MVB12B: variants seen among roughly 807,000 people sequenced by gnomAD.
The protein encoded by MVB12B is ESCRT-I complex subunit MVB12B.
A neutral mutation model predicts 41.6 loss-of-function variants in MVB12B; 16 were observed. The ratio of observed to expected loss-of-function variants is 0.38; its 90% CI spans 0.26 to 0.58. The LOEUF (loss-of-function observed/expected upper bound fraction) is 0.58, where lower values mean the gene tolerates loss of function less well. MVB12B is among the 20% of genes least tolerant of loss of function. The pLI, the probability that MVB12B is intolerant of heterozygous loss-of-function variation, is 0.62. For synonymous variants in MVB12B, 133 were observed against 139.7 expected, an observed-to-expected ratio of 0.95 and a Z score of 0.34; for missense variants, 274 against 380.2, an observed-to-expected ratio of 0.72 and a Z score of 2.32.
chr9:126,381,946 C>T (rs182505983), intron 3 of MVB12B, among the ~76,000 whole-genome samples: 2 of 152,088 alleles, frequency 1.3e-5, no homozygotes, highest in East Asian at 3.9e-4. Context: ...TCTTCCCCAG[C>T]CCCAAACAGG....
At chr9:126,488,362 AAAAT>A (rs75723111) in intron 9 of MVB12B, among the ~76,000 whole-genome samples, 18,109 of 131,112 alleles carry the variant, frequency 0.14, 1,455 homozygotes, top group East Asian at 0.46. Context: ...AAAAAAAAAA[AAAAT>A]AGAGTAAATA....
chr9:126,388,425 G>T (rs1253508457), intron 4 of MVB12B, among the ~76,000 whole-genome samples: 1 of 152,054 alleles, frequency 6.6e-6, no homozygotes, highest in African/African-American at 2.4e-5. Flanking sequence ...CCACATTTTG[G>T]TTATCCATTC....
At chr9:126,477,257 A>G (rs1588201613) in intron 7 of MVB12B, among the ~76,000 whole-genome samples, 1 of 152,240 alleles carries the variant, frequency 6.6e-6, no homozygotes, top group Admixed American at 6.5e-5. Context: ...CCAAGCCATG[A>G]GGGATCCACC....
intron 6 of MVB12B, chr9:126,396,587 A>G (rs1831120229): frequency 1.0e-6 from 1 of 985,348 alleles, no homozygotes. Flanking sequence ...CCTCCGGGAC[A>G]TACCACCAGC....
At chr9:126,406,983 C>A (rs1311977411) in intron 6 of MVB12B, among the ~76,000 whole-genome samples, 1 of 152,182 alleles carries the variant, frequency 6.6e-6, no homozygotes, top group Non-Finnish European at 1.5e-5. Context: ...TTAAATCTTC[C>A]TAGGCTGAGA....
At chr9:126,500,397 G>T in intron 9 of MVB12B, among the ~76,000 whole-genome samples, 1 of 150,982 alleles carries the variant, frequency 6.6e-6, no homozygotes, top group East Asian at 2.0e-4. Flanking sequence ...CCCCCAACCA[G>T]TCCTTCCCCA....
At position 126,386,540 on chromosome 9, in the gene MVB12B, A is replaced by T. The variant is rs746804520; in HGVS notation, c.313-22A>T. On this transcript the variant is annotated intron_variant, in intron 3 of 9. Coordinates refer to ENST00000361171, the MANE Select transcript of MVB12B (RefSeq NM_033446.3). This position sits in a 1 kb window ranked among gnomAD's most constrained non-coding sequence, Gnocchi z 4.3. Reference sequence around the variant, plus strand: ...ATGCATGTTCAGATTAATAGTCTGTATCTCTTTTCTTTCTTCCCAAGAGTC... The same window carrying T: ...ATGCATGTTCAGATTAATAGTCTGTTTCTCTTTTCTTTCTTCCCAAGAGTC... 3.2e-6 allele frequency: 5 copies of T among 1,581,350 alleles called. No homozygotes were observed. Among genetic ancestry groups the T allele is most frequent in the Non-Finnish European group, 4.3e-6 (5 of 1,150,372 alleles).
chr9:126,328,991 C>T (rs1432727938), intron 1 of MVB12B, among the ~76,000 whole-genome samples: 4 of 152,030 alleles, frequency 2.6e-5, no homozygotes, highest in Non-Finnish European at 5.9e-5. Flanking sequence ...CTATGTTGCC[C>T]AAGCTGGTCT....
At chr9:126,412,595 T>G (rs1831683690) in intron 6 of MVB12B, among the ~76,000 whole-genome samples, 1 of 152,208 alleles carries the variant, frequency 6.6e-6, no homozygotes, top group Non-Finnish European at 1.5e-5. Flanking sequence ...TCTTTTTTTC[T>G]GATTAAAAGA....
intron 7 of MVB12B, among the ~76,000 whole-genome samples, chr9:126,453,576 T>TACA (rs1832921453): frequency 6.6e-6 from 1 of 152,214 alleles, no homozygotes; most frequent in Non-Finnish European, 1.5e-5. Flanking sequence ...AGGTGTTCAT[T>TACA]ACACAGGCTC....
intron 2 of MVB12B, among the ~76,000 whole-genome samples, chr9:126,341,359 C>T (rs947806345): frequency 3.9e-5 from 6 of 152,178 alleles, no homozygotes; most frequent in African/African-American, 4.8e-5. Context: ...TACAGAGGAA[C>T]GTTAGGAGGG....
rs770075336 is a variant in MVB12B at position 126,486,514 on chromosome 9, C to T, written c.873+2482C>T. Among the ~76,000 whole-genome samples, 1 of 152,228 alleles carries T rather than the reference C, an allele frequency of 6.6e-6. No individual in the cohort carries two copies. Among genetic ancestry groups the T allele is most frequent in the African/African-American group, 2.4e-5 (1 of 41,460 alleles). On this transcript the variant is annotated intron_variant, in intron 9 of 9. Transcript: ENST00000361171. This position sits in a 1 kb window ranked among gnomAD's most constrained non-coding sequence, Gnocchi z 4.7. ...TGGGGTCACGGCAGAACCTGTCTCA[C>T]GGGGTGCTTTGTGATGCCAAATGGA...
chr9:126,344,199 C>T (rs1829527853), intron 2 of MVB12B, among the ~76,000 whole-genome samples: 1 of 152,176 alleles, frequency 6.6e-6, no homozygotes, highest in South Asian at 2.1e-4. Flanking sequence ...ATGAGCAAAA[C>T]ACACACAGCT....
intron 6 of MVB12B, among the ~76,000 whole-genome samples, chr9:126,420,879 TCA>T (rs1831993142): frequency 6.6e-6 from 1 of 152,108 alleles, no homozygotes; most frequent in South Asian, 2.1e-4. Flanking sequence ...TCATTCTAGG[TCA>T]CACATGTGCT....
chr9:126,500,278 C>T (rs1833926609), intron 9 of MVB12B, among the ~76,000 whole-genome samples: 1 of 152,218 alleles, frequency 6.6e-6, no homozygotes, highest in East Asian at 1.9e-4. Context: ...GAACCTGGCT[C>T]TGGGCTTTCT....
chr9:126,470,855 C>T (rs960227034), intron 7 of MVB12B, among the ~76,000 whole-genome samples: 1 of 152,130 alleles, frequency 6.6e-6, no homozygotes, highest in Non-Finnish European at 1.5e-5. Context: ...GCTGCACTTA[C>T]GTTCTTATGT....
intron 3 of MVB12B, among the ~76,000 whole-genome samples, chr9:126,382,101 T>TA (rs10658875): frequency 0.7 from 101,811 of 146,056 alleles, 35,643 homozygotes; most frequent in Middle Eastern, 0.75. Context: ...TATTTGCAGT[T>TA]AAAAAAAAAA....
chr9:126,493,631 G>A (rs961993008), intron 9 of MVB12B, among the ~76,000 whole-genome samples: 9 of 152,146 alleles, frequency 5.9e-5, no homozygotes, highest in African/African-American at 1.4e-4. Context: ...AATAGTAATC[G>A]GAATCTTAGA....
intron 8 of MVB12B, among the ~76,000 whole-genome samples, chr9:126,481,868 TTCCTGTAGAAA>T (rs1211169775): frequency 6.6e-6 from 1 of 152,242 alleles, no homozygotes; most frequent in Non-Finnish European, 1.5e-5. Context: ...GGATGACAAT[TTCCTGTAGAAA>T]GGAGGCTGCC....
Sources: allele counts gnomAD v4.1 joint callset (sites outside exome capture counted in the v4.1 genomes callset), GRCh38; gene constraint gnomAD v4.1.1; non-coding constraint Gnocchi (gnomAD v3.1); transcripts MANE v1.5; gene names NCBI Gene and HGNC (gene_info 2026-07-23, HGNC 2026-07-21).